The following SLC44A1 variants were observed in gnomAD, a reference collection of about 807,000 sequenced individuals.
The protein encoded by SLC44A1 is choline transporter-like protein 1.
In SLC44A1, 26 loss-of-function variants were observed where a neutral mutation model predicts 79.3. The observed-to-expected ratio is 0.33, with a 90% CI of 0.24 to 0.46. The LOEUF (loss-of-function observed/expected upper bound fraction) is 0.46. Among genes scored for constraint, SLC44A1 ranks in the 20% least tolerant of loss-of-function variants. SLC44A1 has a pLI of 1.00. For missense variants in SLC44A1, 688 were observed against 798.1 expected, an observed-to-expected ratio of 0.86 and a Z score of 1.66; for synonymous variants, 263 against 286.2, an observed-to-expected ratio of 0.92 and a Z score of 0.82.
chr9:105,361,216 G>T lies in SLC44A1; in HGVS notation c.786G>T (p.Leu262=), dbSNP rs777849789. 8 of 1,613,992 alleles carry T rather than the reference G, an allele frequency of 5.0e-6. No homozygotes were observed. In the Admixed American group the frequency reaches 8.3e-5, roughly 17 times the overall value. Residue 262 remains leucine, a synonymous_variant, in exon 8 of 16, where the codon CTG becomes CTT. Coordinates refer to ENST00000374720, the MANE Select transcript of SLC44A1 (RefSeq NM_080546.5). ...GAGGCACAGGTGTACTATGGTGGCT[G>T]TATGCAAAGCAAAGAAGGTCTCCCA... ...SLGGTGVLWW[L]YAKQRRSPKE...
chr9:105,261,171 A>G (rs1294151487), intron 1 of SLC44A1, among the ~76,000 whole-genome samples: 1 of 152,202 alleles, frequency 6.6e-6, no homozygotes, highest in African/African-American at 2.4e-5. Context: ...GTCTTGGTGT[A>G]TACATTAATA....
chr9:105,284,000 T>C (rs1284031011), intron 1 of SLC44A1, among the ~76,000 whole-genome samples: 1 of 152,176 alleles, frequency 6.6e-6, no homozygotes, highest in East Asian at 1.9e-4. Context: ...CTGAATTGTC[T>C]ATTCAGCAGT....
Position 105,258,872 on chromosome 9 carries a change from G to GT in SLC44A1, c.36+13980dup, listed in dbSNP as rs772717856. Reference sequence around the variant, plus strand: ...CTGGCTAATTTTTGTTTTTGTTTTTGTTTTTTTTTTTTGGTAGAGAGGGGG... The same window carrying GT: ...CTGGCTAATTTTTGTTTTTGTTTTTGTTTTTTTTTTTTTGGTAGAGAGGGGG... On this transcript the variant is annotated intron_variant, in intron 1 of 15. Coordinates refer to ENST00000374720, the MANE Select transcript of SLC44A1 (RefSeq NM_080546.5). 8.3e-3 allele frequency among the ~76,000 whole-genome samples: 1,157 copies of GT among 139,848 alleles called. 4 individuals are homozygous for GT. The highest frequency in any genetic ancestry group is 0.011 in the Non-Finnish European group (706 of 63,530). The allele number at this position is 139,848 out of a possible 152,430, so 91.7% of individuals were successfully genotyped here. A position where few individuals can be genotyped will look rare whatever the true frequency, so the allele number is the denominator to read the frequency against.
intron 12 of SLC44A1, among the ~76,000 whole-genome samples, chr9:105,369,635 G>A (rs951480441): frequency 3.3e-5 from 5 of 151,958 alleles, no homozygotes; most frequent in Admixed American, 6.6e-5. Context: ...TAATTTATAC[G>A]AATCCACACA....
intron 1 of SLC44A1, among the ~76,000 whole-genome samples, chr9:105,271,420 A>C (rs955849412): frequency 1.3e-5 from 2 of 152,114 alleles, no homozygotes; most frequent in African/African-American, 4.8e-5. Flanking sequence ...AAGGAAAAGG[A>C]ATGGAATTTG....
chr9:105,370,826 G>A (rs368950202), intron 12 of SLC44A1, among the ~76,000 whole-genome samples: 11 of 152,276 alleles, frequency 7.2e-5, no homozygotes, highest in African/African-American at 2.4e-4. Flanking sequence ...CATTGAGGGC[G>A]GGAGTGAACA....
chr9:105,356,071 AC>A, intron 5 of SLC44A1, 140 bp from the exon 6 acceptor site: 2 of 661,884 alleles, frequency 3.0e-6, no homozygotes, highest in Non-Finnish European at 5.2e-6. Context: ...AGCATTAAGC[AC>A]ACAGCTCTTA....
intron 1 of SLC44A1, among the ~76,000 whole-genome samples, chr9:105,270,604 T>C (rs1203116657): frequency 6.6e-6 from 1 of 152,234 alleles, no homozygotes; most frequent in Non-Finnish European, 1.5e-5. Context: ...CTTCCTTTTC[T>C]CTCTGGCTCT....
chr9:105,326,056 G>T (rs1826566622), intron 3 of SLC44A1, among the ~76,000 whole-genome samples: 1 of 152,098 alleles, frequency 6.6e-6, no homozygotes, highest in African/African-American at 2.4e-5. Flanking sequence ...GTAGAAAATT[G>T]TTTTTTTATG....
In SLC44A1 at chr9:105,366,613, G is replaced by A. The variant is rs958804712; in HGVS notation, c.1494+184G>A. Among the ~76,000 whole-genome samples the A allele has an allele frequency of 7.2e-5, 11 of 152,088 alleles. No individual in the cohort carries two copies. The East Asian group carries it at 2.1e-3, about 29-fold the overall frequency. On this transcript the variant is annotated intron_variant, in intron 12 of 15. Coordinates refer to ENST00000374720, the MANE Select transcript of SLC44A1 (RefSeq NM_080546.5). Reference sequence around the variant, plus strand: ...TTAAATTAATGTATATGCTTACCAAGGCTCATTATTATTTTAATTTTTTCC... The same window carrying A: ...TTAAATTAATGTATATGCTTACCAAAGCTCATTATTATTTTAATTTTTTCC...
intron 3 of SLC44A1, among the ~76,000 whole-genome samples, chr9:105,332,441 A>G (rs1184401246): frequency 2.0e-5 from 3 of 152,094 alleles, no homozygotes; most frequent in Non-Finnish European, 4.4e-5. Flanking sequence ...TTCTTAGACT[A>G]TGGAAGGCAG....
intron 4 of SLC44A1, among the ~76,000 whole-genome samples, chr9:105,341,122 G>A (rs1647424933): frequency 6.6e-6 from 1 of 152,098 alleles, no homozygotes; most frequent in East Asian, 1.9e-4. Flanking sequence ...ATCACCTGAG[G>A]TCAGGAGTTC....
At position 105,395,496 on chromosome 9, in the gene SLC44A1, G is replaced by A; in HGVS notation, c.*6440G>A. On this transcript the variant is annotated 3_prime_UTR_variant, in exon 16 of 16. Coordinates refer to ENST00000374720, the MANE Select transcript of SLC44A1 (RefSeq NM_080546.5). ...AGCCTCCCAAAGTGCTGGGATTACA[G>A]GCATGAGCCACCGCGCCCGGCCTAG... 2 of 977,704 alleles carry A rather than the reference G, an allele frequency of 2.0e-6. No individual in the cohort carries two copies. The highest frequency in any genetic ancestry group is 2.4e-6 in the Non-Finnish European group (2 of 822,860). 60.6% of individuals were successfully genotyped at this position (977,704 alleles called of 1,614,324 possible).
Position 105,390,089 on chromosome 9 carries a change from A to G in SLC44A1, c.*1033A>G. ...CAGGTGCTCCTCTCCTTGGCAATTC[A>G]TTGAGTATCCAGAGTTCTACGATGT... On this transcript the variant is annotated 3_prime_UTR_variant, in exon 16 of 16. Coordinates refer to ENST00000374720, the MANE Select transcript of SLC44A1 (RefSeq NM_080546.5). 4.7e-6 allele frequency: 6 copies of G among 1,272,324 alleles called. No individual in the cohort carries two copies. Among genetic ancestry groups the G allele is most frequent in the Non-Finnish European group, 6.0e-6 (6 of 1,002,454 alleles). The allele number at this position is 1,272,324 out of a possible 1,614,324, so 78.8% of individuals were successfully genotyped here.
Position 105,389,387 on chromosome 9 carries a change from G to A in SLC44A1, c.*331G>A. The A allele has an allele frequency of 1.9e-6, 2 of 1,060,614 alleles. No individual in the cohort carries two copies. The highest frequency in any genetic ancestry group is 2.3e-6 in the Non-Finnish European group (2 of 876,798). The allele number at this position is 1,060,614 out of a possible 1,614,324, so 65.7% of individuals were successfully genotyped here. A position where few individuals can be genotyped will look rare whatever the true frequency, so the allele number is the denominator to read the frequency against. ...TTAACATTTTTAATAACTTAGAGGA[G>A]ATTTTAACTTTATTTAAAAATAGGT... is the stretch of plus-strand genomic sequence containing the variant. On this transcript the variant is annotated 3_prime_UTR_variant, in exon 16 of 16. Transcript: ENST00000374720.
At chr9:105,353,705 A>G in intron 5 of SLC44A1, among the ~76,000 whole-genome samples, 1 of 152,224 alleles carries the variant, frequency 6.6e-6, no homozygotes, top group East Asian at 1.9e-4. Flanking sequence ...ACTGAAAACA[A>G]GAAAAAGACA....
chr9:105,384,154 C>G (rs1261494020), intron 14 of SLC44A1, among the ~76,000 whole-genome samples: 2 of 151,826 alleles, frequency 1.3e-5, no homozygotes, highest in African/African-American at 2.4e-5. Flanking sequence ...CCAGTTAAAT[C>G]TAAAATAAGT....
At chr9:105,289,990 A>T (rs1830566904) in intron 1 of SLC44A1, among the ~76,000 whole-genome samples, 1 of 151,936 alleles carries the variant, frequency 6.6e-6, no homozygotes, top group African/African-American at 2.4e-5. Flanking sequence ...ATTTGTTTGT[A>T]TCTTTAGTAG....
At chr9:105,262,429 C>T (rs1228970859) in intron 1 of SLC44A1, among the ~76,000 whole-genome samples, 1 of 152,116 alleles carries the variant, frequency 6.6e-6, no homozygotes, top group Non-Finnish European at 1.5e-5. Context: ...AAGATTGTAC[C>T]TATAATATGG....
Sources: allele counts gnomAD v4.1 joint callset (sites outside exome capture counted in the v4.1 genomes callset), GRCh38; gene constraint gnomAD v4.1.1; transcripts MANE v1.5; gene names NCBI Gene and HGNC (gene_info 2026-07-23, HGNC 2026-07-21).